TCOF1: variants seen among roughly 807,000 people sequenced by gnomAD.
TCOF1 encodes treacle protein.
In TCOF1, 33 loss-of-function variants were observed where a neutral mutation model predicts 149.0. That is an observed-to-expected ratio of 0.22 (90% CI 0.17 to 0.30). The LOEUF is 0.30. Ranked by LOEUF, TCOF1 falls within the 10% of genes least tolerant of loss-of-function variation. The probability of loss-of-function intolerance (pLI) is 1.00; values close to 1 mark genes in which losing one functional copy is unlikely to be tolerated. For missense variants in TCOF1, 1,728 were observed against 1,840.7 expected (o/e 0.94, Z 1.12); for synonymous variants, 789 against 738.8 (o/e 1.07, Z -1.10).
intron 14 of TCOF1, among the ~76,000 whole-genome samples, chr5:150,378,265 G>T (rs1764262110): frequency 1.3e-5 from 2 of 152,190 alleles, no homozygotes; most frequent in Admixed American, 1.3e-4. Flanking sequence ...TAGGCTTGCT[G>T]TCACTCCTGT....
At position 150,396,842 on chromosome 5, in the gene TCOF1, A is replaced by C; in HGVS notation, c.4345A>C (p.Arg1449=). 1 of 1,593,858 alleles carries C rather than the reference A, an allele frequency of 6.3e-7. No individual in the cohort carries two copies. Among genetic ancestry groups the C allele is most frequent in the Non-Finnish European group, 8.5e-7 (1 of 1,170,886 alleles). ...GAAGGAGAAGAAGAAATCCGACAAG[A>C]GTGAGTGACCGCTTCTCCCAGCCCA... ...SKKEKKKSDK[R]KKDKEKKEKK... The change falls in exon 24 of 27, where the codon AGA becomes CGA. Residue 1449 remains arginine (R), a splice_region_variant and synonymous_variant. Transcript: ENST00000643257.
rs1192070082 is a variant in TCOF1, at chr5:150,388,021, A to G, written c.2979A>G (p.Thr993=). The change falls in exon 18 of 27, where the codon ACA becomes ACG. Residue 993 remains threonine, a synonymous_variant. Coordinates refer to ENST00000643257, the MANE Select transcript of TCOF1 (RefSeq NM_001371623.1). ...GGAAGGCCCGAGCCTCGGAGAGCAC[A>G]GCCAGGAGCTCCTCCTCCGAGAGCG... ...TPRKARASES[T]ARSSSSESED... 6.2e-7 allele frequency: 1 copy of G among 1,613,852 alleles called. No individual in the cohort carries two copies. Among genetic ancestry groups the G allele is most frequent in the Admixed American group, 1.7e-5 (1 of 60,028 alleles).
intron 23 of TCOF1, among the ~76,000 whole-genome samples, chr5:150,395,124 C>T (rs1173736795): frequency 1.3e-5 from 2 of 152,204 alleles, no homozygotes; most frequent in Admixed American, 6.5e-5. Flanking sequence ...CTCCCCCAGC[C>T]CACCGCAGCT....
At position 150,366,950 on chromosome 5, in the gene TCOF1, C is replaced by T. The variant is rs1447232016; in HGVS notation, c.305-894C>T. Among the ~76,000 whole-genome samples the T allele has an allele frequency of 6.0e-5, 9 of 149,598 alleles. 3 individuals are homozygous for T. The highest frequency in any genetic ancestry group is 4.0e-4 in the East Asian group (2 of 4,984). On this transcript the variant is annotated intron_variant, in intron 3 of 26. Transcript: ENST00000643257. Reference sequence around the variant, plus strand: ...ATTACAGGCGTGAGGCCACCGCGCCCGGCCCAACATTCTTCTTAACAAAAA... The same window carrying T: ...ATTACAGGCGTGAGGCCACCGCGCCTGGCCCAACATTCTTCTTAACAAAAA...
At chr5:150,380,286 C>T (rs1246967856) in intron 17 of TCOF1, 1 of 170,534 alleles carries the variant, frequency 5.9e-6, no homozygotes, top group Middle Eastern at 2.9e-3. Flanking sequence ...ATATCTAGGT[C>T]GAGGTCTCCA....
At position 150,369,065 on chromosome 5, in the gene TCOF1, A is replaced by C. The variant is rs1761977201; in HGVS notation, c.565+163A>C. 2.6e-5 allele frequency among the ~76,000 whole-genome samples: 4 copies of C among 152,164 alleles called. No homozygotes were observed. The South Asian group carries it at 8.3e-4, about 31-fold the overall frequency. On this transcript the variant is annotated intron_variant, in intron 5 of 26. Transcript: ENST00000643257. ...ACTTTTCTCATCACCTAGACGAGGGAGGGTCAGCTTACAGGGACCTGGCCT... is the reference window on the plus strand; with the variant it reads ...ACTTTTCTCATCACCTAGACGAGGGCGGGTCAGCTTACAGGGACCTGGCCT...
At chr5:150,369,387 C>A (rs953285326) in intron 5 of TCOF1, 142 bp from the exon 6 acceptor site, 2 of 910,470 alleles carry the variant, frequency 2.2e-6, no homozygotes, top group African/African-American at 1.6e-5. Flanking sequence ...GGGGGCTTCA[C>A]AGCTCAGTGC....
chr5:150,375,829 A>G lies in TCOF1; in HGVS notation c.1813A>G (p.Met605Val), dbSNP rs371254210. The change falls in exon 12 of 27, where the codon ATG (methionine) becomes GTG (valine). Residue 605 changes from methionine (M) to valine (V), a missense_variant. Physicochemically the swap from Met to Val is conservative, Grantham distance 21. Around this residue, in one of 2 missense-constraint regions of TCOF1, gnomAD observed 1,696 missense variants for 1,765.4 expected, o/e 0.96. Coordinates refer to ENST00000643257, the MANE Select transcript of TCOF1 (RefSeq NM_001371623.1). Reference protein sequence around the residue: ...VAVQVKAEKPMDNSESSEESS... With the variant: ...VAVQVKAEKPVDNSESSEESS... Reference sequence around the variant, plus strand: ...CGTCCAGGTCAAGGCTGAAAAGCCCATGGACAACTCGGAGAGCAGCGAGGA... The same window carrying G: ...CGTCCAGGTCAAGGCTGAAAAGCCCGTGGACAACTCGGAGAGCAGCGAGGA... 1.2e-6 allele frequency: 2 copies of G among 1,614,090 alleles called. No individual in the cohort carries two copies. The highest frequency in any genetic ancestry group is 1.6e-4 in the Middle Eastern group (1 of 6,084).
intron 1 of TCOF1, 106 bp downstream of exon 1, chr5:150,357,960 G>T (rs1759023014): frequency 8.2e-7 from 1 of 1,220,088 alleles, no homozygotes; most frequent in East Asian, 2.6e-5. Context: ...CCCGGAGCCG[G>T]GTCCCGCAGT....
chr5:150,369,056 A>G (rs986588612), intron 5 of TCOF1, among the ~76,000 whole-genome samples, 154 bp downstream of exon 5: 10 of 152,192 alleles, frequency 6.6e-5, no homozygotes, highest in African/African-American at 2.2e-4. Flanking sequence ...CTCATCACCT[A>G]GACGAGGGAG....
chr5:150,381,557 AGCTGTCCTGCAG>A (rs1284512489), intron 17 of TCOF1, among the ~76,000 whole-genome samples: 16 of 152,256 alleles, frequency 1.1e-4, no homozygotes, highest in Admixed American at 1.0e-3. Context: ...CACTGAAGGC[AGCTGTCCTGCAG>A]GCCGTAGGCC....
rs773882957 is a variant in TCOF1, at chr5:150,396,572, A to T, written c.4075A>T (p.Thr1359Ser). 11 of 1,582,222 alleles carry T rather than the reference A, an allele frequency of 7.0e-6. No homozygotes were observed. In the South Asian group the frequency reaches 1.2e-4, roughly 18 times the overall value. Residue 1359 changes from threonine (T) to serine (S), a missense_variant, in exon 24 of 27, where the codon ACC becomes TCC. By Grantham distance (58) the Thr-to-Ser change is moderately conservative (BLOSUM62 1). Transcript: ENST00000643257. ...KLSGDQPAARTPRSKKKKKLG... is the reference protein window; with the variant it reads ...KLSGDQPAARSPRSKKKKKLG... ...ATCGGGAGACCAGCCAGCTGCCAGG[A>T]CCCCCAGGAGCAAGAAGAAGAAGAA...
chr5:150,384,525 C>T lies in TCOF1; in HGVS notation c.2860-3377C>T, dbSNP rs369952629. 18 of 985,474 alleles carry T rather than the reference C, an allele frequency of 1.8e-5. No individual in the cohort carries two copies. In the African/African-American group the frequency reaches 2.1e-4, roughly 11 times the overall value. 61.0% of individuals were successfully genotyped at this position (985,474 alleles called of 1,614,324 possible). A position where few individuals can be genotyped will look rare whatever the true frequency, so the allele number is the denominator to read the frequency against. On this transcript the variant is annotated intron_variant, in intron 17 of 26. Transcript: ENST00000643257. ...CCTCTGGCTCTGTGTGGAGCCTTTA[C>T]GAGGCCACCTGCCTCTCTGAGGGAT...
rs762999584 is a variant in TCOF1, at chr5:150,374,234, C to G, written c.931C>G (p.Pro311Ala). ...RAASAPAKGT[P>A]GKGATPAPPG... ...TGCCTCAGCCCCTGCCAAGGGGACC[C>G]CTGGGAAAGGGGCTACCCCAGCACC... The change falls in exon 8 of 27, where the codon CCT becomes GCT. Residue 311 changes from proline (P) to alanine (A), a missense_variant. By Grantham distance (27) the Pro-to-Ala change is conservative. Transcript: ENST00000643257. 6.2e-7 allele frequency: 1 copy of G among 1,612,198 alleles called. No homozygotes were observed. Among genetic ancestry groups the G allele is most frequent in the South Asian group, 1.1e-5 (1 of 90,746 alleles).
chr5:150,399,196 T>G, intron 26 of TCOF1, 126 bp downstream of exon 26: 1 of 1,367,428 alleles, frequency 7.3e-7, no homozygotes, highest in Non-Finnish European at 1.0e-6. Flanking sequence ...GGGAAAGAGG[T>G]TCTGTTGCCA....
intron 17 of TCOF1, among the ~76,000 whole-genome samples, chr5:150,381,946 A>G (rs910727283): frequency 1.3e-5 from 2 of 152,196 alleles, no homozygotes; most frequent in Non-Finnish European, 2.9e-5. Context: ...CTGTAATCCC[A>G]GCACTTTGGG....
Position 150,368,860 on chromosome 5 carries a change from G to C in TCOF1, c.523G>C (p.Glu175Gln). Residue 175 changes from glutamate (E) to glutamine (Q), a missense_variant, in exon 5 of 27, where the codon GAG (glutamate) becomes CAG (glutamine). Glu to Gln is a conservative substitution (Grantham distance 29). Around this residue, in one of 2 missense-constraint regions of TCOF1, gnomAD observed 1,696 missense variants for 1,765.4 expected, o/e 0.96. Transcript: ENST00000643257. The stretch of plus-strand genomic sequence containing the variant: ...TACTACGTTGGTCTCAGAAACTGAG[G>C]AGGAGGGCAGCGTCCCGGCCTTTGG... ...ANTTLVSETE[E>Q]EGSVPAFGAA... 1.2e-6 allele frequency: 2 copies of C among 1,613,992 alleles called. No individual in the cohort carries two copies. The highest frequency in any genetic ancestry group is 2.2e-5 in the East Asian group (1 of 44,890).
intron 17 of TCOF1, chr5:150,382,988 G>A (rs868394385): frequency 4.9e-5 from 60 of 1,230,076 alleles, no homozygotes; most frequent in South Asian, 2.2e-4. Flanking sequence ...GAGGGTCATT[G>A]CCTACTGGCT....
chr5:150,385,095 T>A, intron 17 of TCOF1: 1 of 984,682 alleles, frequency 1.0e-6, no homozygotes, highest in Non-Finnish European at 1.2e-6. Flanking sequence ...ATAACTTAAT[T>A]TAGCTATTCC....
Sources: gnomAD v4.1 joint callset for allele counts (sites outside exome capture counted in the v4.1 genomes callset) on GRCh38, gnomAD v4.1.1 for gene constraint, gnomAD v4.1.1 regional missense constraint, MANE v1.5 for transcripts, NCBI Gene and HGNC (gene_info 2026-07-23, HGNC 2026-07-21) for gene names.